ZNF254: variants seen among roughly 807,000 people sequenced by gnomAD.
ZNF254 encodes zinc finger protein 254.
In ZNF254, 10 loss-of-function variants were observed where a neutral mutation model predicts 12.4. The observed-to-expected ratio is 0.80, with a 90% CI of 0.50 to 1.36. ZNF254 has a LOEUF of 1.36. ZNF254 is among the 40% of genes most tolerant of loss of function. The pLI, the probability that ZNF254 is intolerant of heterozygous loss-of-function variation, is 0.00. For synonymous variants in ZNF254, 305 were observed against 253.4 expected (o/e 1.20, Z -1.93); for missense variants, 996 against 763.9 (o/e 1.30, Z -3.58).
intron 1 of ZNF254, among the ~76,000 whole-genome samples, chr19:24,088,937 G>A (rs1032909532): frequency 3.4e-5 from 5 of 148,328 alleles, no homozygotes; most frequent in Non-Finnish European, 7.4e-5. Flanking sequence ...TATTACAGAC[G>A]TGAGCCATCT....
At chr19:24,124,182 AG>A (rs1974674087) in intron 3 of ZNF254, among the ~76,000 whole-genome samples, 1 of 152,126 alleles carries the variant, frequency 6.6e-6, no homozygotes, top group Non-Finnish European at 1.5e-5. Flanking sequence ...AACCTCTAAA[AG>A]ATACAACAAC....
At chr19:24,117,831 A>G (rs1225588146) in intron 3 of ZNF254, among the ~76,000 whole-genome samples, 1 of 151,988 alleles carries the variant, frequency 6.6e-6, no homozygotes, top group Non-Finnish European at 1.5e-5. Context: ...GTATTTGGCC[A>G]TCTTGGCTGC....
chr19:24,083,748 A>G (rs1361653460), upstream of ZNF254, among the ~76,000 whole-genome samples: 1 of 152,212 alleles, frequency 6.6e-6, no homozygotes, highest in Admixed American at 6.5e-5. Flanking sequence ...ATTACTAATG[A>G]TTAATGATCA....
chr19:24,087,181 G>A (rs891880983), upstream of ZNF254: 5 of 1,257,594 alleles, frequency 4.0e-6, no homozygotes, highest in East Asian at 2.6e-5. Flanking sequence ...TCCGGGATAT[G>A]GCGGGGCCTT....
At chr19:24,050,646 A>G (rs1211408450) in intron 2 of ZNF254, among the ~76,000 whole-genome samples, 1 of 152,170 alleles carries the variant, frequency 6.6e-6, no homozygotes, top group Non-Finnish European at 1.5e-5. Context: ...ACTGTAACAT[A>G]TATGTGGGCC....
At chr19:24,043,342 A>G (rs1476820037) in intron 1 of ZNF254, among the ~76,000 whole-genome samples, 1 of 152,142 alleles carries the variant, frequency 6.6e-6, no homozygotes, top group Non-Finnish European at 1.5e-5. Context: ...GCTCACTGCA[A>G]CCTTAACCTC....
chr19:24,092,205 T>TG (rs1463118098), intron 1 of ZNF254, among the ~76,000 whole-genome samples: 13 of 149,788 alleles, frequency 8.7e-5, no homozygotes, highest in Admixed American at 7.3e-4. Context: ...TTTGATGTTG[T>TG]TGCCCTGAGT....
At chr19:24,048,483 G>T (rs993626555) in intron 2 of ZNF254, among the ~76,000 whole-genome samples, 1 of 152,162 alleles carries the variant, frequency 6.6e-6, no homozygotes, top group Non-Finnish European at 1.5e-5. Flanking sequence ...GATGGTTCTC[G>T]CCAGTGCAGT....
intron 1 of ZNF254, among the ~76,000 whole-genome samples, chr19:24,045,815 C>T (rs1970364108): frequency 6.6e-6 from 1 of 151,906 alleles, no homozygotes; most frequent in South Asian, 2.1e-4. Flanking sequence ...TGGGTTGCAA[C>T]ATAACAAGGG....
At chr19:24,115,886 G>T (rs1974030048) in intron 3 of ZNF254, among the ~76,000 whole-genome samples, 1 of 152,086 alleles carries the variant, frequency 6.6e-6, no homozygotes, top group Non-Finnish European at 1.5e-5. Flanking sequence ...TTTAGGGCAG[G>T]CCTGGTGGTG....
At chr19:24,104,705 A>T (rs568800705) in intron 1 of ZNF254, 5 of 152,320 alleles carry the variant, frequency 3.3e-5, no homozygotes, top group African/African-American at 1.2e-4. Context: ...AATATTAAAA[A>T]TGTTCTCCTT....
intron 1 of ZNF254, among the ~76,000 whole-genome samples, chr19:24,100,335 C>A (rs1262578705): frequency 1.3e-5 from 2 of 150,886 alleles, no homozygotes; most frequent in African/African-American, 4.9e-5. Context: ...CTACTCCACC[C>A]ATCCGGGACC....
chr19:24,092,308 AG>A (rs1294978898), intron 1 of ZNF254, among the ~76,000 whole-genome samples: 1 of 151,686 alleles, frequency 6.6e-6, no homozygotes, highest in East Asian at 1.9e-4. Context: ...CTGGGATTAC[AG>A]GCACCCACCA....
chr19:24,114,285 A>AGG (rs1973895806), intron 3 of ZNF254, among the ~76,000 whole-genome samples: 1 of 150,130 alleles, frequency 6.7e-6, no homozygotes, highest in Non-Finnish European at 1.5e-5. Context: ...CTATACTACA[A>AGG]GGCTACAGTA....
intron 1 of ZNF254, among the ~76,000 whole-genome samples, chr19:24,042,988 C>T (rs1443941174): frequency 1.3e-5 from 2 of 152,098 alleles, no homozygotes; most frequent in African/African-American, 4.8e-5. Context: ...AATTGAAAAA[C>T]TCTGTTTCTT....
intron 3 of ZNF254, 121 bp downstream of exon 3, chr19:24,106,764 A>AT (rs949888324): frequency 1.7e-3 from 1,444 of 850,230 alleles, no homozygotes; most frequent in Non-Finnish European, 1.8e-3. Flanking sequence ...GGAAGCCTAA[A>AT]TTTTTTTTTT....
intron 2 of ZNF254, among the ~76,000 whole-genome samples, chr19:24,082,063 C>T (rs1199651214): frequency 6.6e-6 from 1 of 151,010 alleles, no homozygotes; most frequent in Admixed American, 6.6e-5. Flanking sequence ...GCAGAGGTTG[C>T]AGTGAACCAA....
At chr19:24,122,456 C>T (rs374640260) in intron 3 of ZNF254, among the ~76,000 whole-genome samples, 1 of 152,074 alleles carries the variant, frequency 6.6e-6, no homozygotes, top group Admixed American at 6.5e-5. Context: ...AACTCCTGAC[C>T]TTAGGTGATC....
At chr19:24,051,349 G>A (rs1970638579) in intron 2 of ZNF254, among the ~76,000 whole-genome samples, 1 of 151,810 alleles carries the variant, frequency 6.6e-6, no homozygotes, top group South Asian at 2.1e-4. Context: ...TAGTAGAGAT[G>A]AAGTTTCACC....
Sources: allele counts gnomAD v4.1 joint callset (sites outside exome capture counted in the v4.1 genomes callset), GRCh38; gene constraint gnomAD v4.1.1; transcripts MANE v1.5; gene names NCBI Gene and HGNC (gene_info 2026-07-23, HGNC 2026-07-21).